Variants in GRIP1 observed in about 807,000 individuals in gnomAD.
The protein encoded by GRIP1 is glutamate receptor-interacting protein 1.
Under a neutral mutation model 129.9 loss-of-function variants are expected in GRIP1, and 45 were observed. The ratio of observed to expected loss-of-function variants is 0.35; its 90% confidence interval spans 0.27 to 0.44. The LOEUF (loss-of-function observed/expected upper bound fraction) is 0.44. Ranked by LOEUF, GRIP1 falls within the 20% of genes least tolerant of loss-of-function variation. The pLI is 1.00. For missense variants in GRIP1, 1,196 were observed against 1,396.8 expected, an observed-to-expected ratio of 0.86 and a Z score of 2.29; for synonymous variants, 530 against 520.8, an observed-to-expected ratio of 1.02 and a Z score of -0.24.
At chr12:66,378,544 C>T (rs926766085) in intron 20 of GRIP1, among the ~76,000 whole-genome samples, 1 of 151,924 alleles carries the variant, frequency 6.6e-6, no homozygotes, top group African/African-American at 2.4e-5. Context: ...GTCAGGAGTT[C>T]GAGACCGGCC....
intron 24 of GRIP1, among the ~76,000 whole-genome samples, chr12:66,352,464 G>A (rs947029388): frequency 6.6e-6 from 1 of 152,192 alleles, no homozygotes; most frequent in African/African-American, 2.4e-5. Context: ...TGCGCACAGT[G>A]GCTCACACCT....
intron 1 of GRIP1, among the ~76,000 whole-genome samples, chr12:66,928,760 G>GC (rs2041337835): frequency 6.6e-6 from 1 of 152,186 alleles, no homozygotes; most frequent in South Asian, 2.1e-4. Context: ...TCTTAAAAAT[G>GC]CAAGAGGAAT....
chr12:66,465,058 C>T lies in GRIP1; in HGVS notation c.872+217G>A, dbSNP rs61925940. On this transcript the variant is annotated intron_variant, in intron 8 of 24. Transcript: ENST00000359742. Reference sequence around the variant, plus strand: ...CTCGCGAGTTTAAGTGATTCTCATGCCTCAGCCTCCCGAGTAGCTGGGATT... The same window carrying T: ...CTCGCGAGTTTAAGTGATTCTCATGTCTCAGCCTCCCGAGTAGCTGGGATT... Among the ~76,000 whole-genome samples the T allele has an allele frequency of 3.2e-3, 491 of 151,494 alleles. 4 individuals are homozygous for T. The highest frequency in any genetic ancestry group is 5.2e-3 in the Non-Finnish European group (351 of 67,938).
chr12:67,009,340 T>C (rs1204138763), intron 1 of GRIP1, among the ~76,000 whole-genome samples: 1 of 152,176 alleles, frequency 6.6e-6, no homozygotes, highest in African/African-American at 2.4e-5. Flanking sequence ...TGGAGGAAGA[T>C]GCTTATCTTT....
At chr12:66,800,951 T>C (rs192941402) in intron 1 of GRIP1, among the ~76,000 whole-genome samples, 5 of 152,238 alleles carry the variant, frequency 3.3e-5, no homozygotes, top group Non-Finnish European at 7.4e-5. Context: ...TAATATTCAG[T>C]GATAGATTAT....
intron 1 of GRIP1, among the ~76,000 whole-genome samples, chr12:66,855,877 C>A (rs2039993852): frequency 6.6e-6 from 1 of 152,016 alleles, no homozygotes; most frequent in Non-Finnish European, 1.5e-5. Flanking sequence ...TTATTCTCTT[C>A]ATGCAGACTT....
intron 1 of GRIP1, among the ~76,000 whole-genome samples, chr12:67,008,504 T>C (rs1326401414): frequency 6.6e-6 from 1 of 152,142 alleles, no homozygotes. Flanking sequence ...AAAAGACACA[T>C]AAAATTAGAG....
At chr12:66,737,169 A>T (rs1209924296) in intron 1 of GRIP1, among the ~76,000 whole-genome samples, 1 of 152,172 alleles carries the variant, frequency 6.6e-6, no homozygotes, top group Non-Finnish European at 1.5e-5. Flanking sequence ...GTTGCATAAG[A>T]TGCTTGTTTG....
chr12:66,678,235 C>T (rs780375330), intron 1 of GRIP1, among the ~76,000 whole-genome samples: 1 of 152,084 alleles, frequency 6.6e-6, no homozygotes, highest in Non-Finnish European at 1.5e-5. Flanking sequence ...CAATCTGAAG[C>T]TGGTAATTCT....
At chr12:66,484,757 G>T (rs1365186355) in intron 7 of GRIP1, among the ~76,000 whole-genome samples, 2 of 152,138 alleles carry the variant, frequency 1.3e-5, no homozygotes, top group African/African-American at 4.8e-5. Context: ...TCTAGTGTTT[G>T]ATAGCACAAT....
At position 66,638,595 on chromosome 12, in the gene GRIP1, A is replaced by G. The variant is rs150929679; in HGVS notation, c.55+40255T>C. Among the ~76,000 whole-genome samples the G allele has an allele frequency of 3.2e-3, 482 of 152,312 alleles. 3 individuals carry two copies. The highest frequency in any genetic ancestry group is 0.011 in the African/African-American group (461 of 41,582). On this transcript the variant is annotated intron_variant, in intron 1 of 24. Transcript: ENST00000359742. ...GCTCCTTGATTCTTTCCCTAGTTTAAGCACTTCTCTTACCTTTTTGGCTAT... is the reference window on the plus strand; with the variant it reads ...GCTCCTTGATTCTTTCCCTAGTTTAGGCACTTCTCTTACCTTTTTGGCTAT...
chr12:66,436,507 T>G (rs1298828552), intron 13 of GRIP1, among the ~76,000 whole-genome samples: 1 of 152,240 alleles, frequency 6.6e-6, no homozygotes, highest in African/African-American at 2.4e-5. Flanking sequence ...AGGCAAAATA[T>G]AAATTGTGCA....
At chr12:66,719,949 A>G (rs1489228833) in intron 1 of GRIP1, among the ~76,000 whole-genome samples, 1 of 152,206 alleles carries the variant, frequency 6.6e-6, no homozygotes, top group Non-Finnish European at 1.5e-5. Flanking sequence ...AGTTTGGAGC[A>G]GGTATTAATC....
intron 2 of GRIP1, among the ~76,000 whole-genome samples, chr12:66,554,660 C>T (rs1049273502): frequency 1.2e-4 from 18 of 152,118 alleles, no homozygotes; most frequent in African/African-American, 4.1e-4. Flanking sequence ...GAGGGGGGCC[C>T]ACTGCCCTGA....
chr12:66,428,386 G>T (rs1323304594), intron 14 of GRIP1, among the ~76,000 whole-genome samples: 2 of 152,124 alleles, frequency 1.3e-5, no homozygotes, highest in African/African-American at 2.4e-5. Context: ...CAGATTTGTT[G>T]TGCTTGTCAT....
intron 1 of GRIP1, among the ~76,000 whole-genome samples, chr12:66,798,997 G>A (rs985529256): frequency 1.8e-4 from 28 of 152,240 alleles, no homozygotes; most frequent in Non-Finnish European, 3.8e-4. Flanking sequence ...CAAAAGTGGG[G>A]ATGAGAGGTG....
chr12:66,612,110 A>G (rs4913276), intron 1 of GRIP1, among the ~76,000 whole-genome samples: 77,885 of 152,036 alleles, frequency 0.51, 20,551 homozygotes, highest in Non-Finnish European at 0.59. Context: ...AATGCATATA[A>G]TGACCTTGGT....
chr12:66,739,761 A>G (rs1262606431), intron 1 of GRIP1, among the ~76,000 whole-genome samples: 1 of 151,724 alleles, frequency 6.6e-6, no homozygotes, highest in East Asian at 1.9e-4. Flanking sequence ...AAAAAAAAAA[A>G]CCAGTCCTCC....
chr12:66,445,297 G>A (rs1465771605), intron 12 of GRIP1, 25 bp downstream of exon 12: 7 of 1,595,344 alleles, frequency 4.4e-6, no homozygotes, highest in Non-Finnish European at 6.0e-6. Flanking sequence ...AGCAGAAAAT[G>A]ATGCTGTGAA....
Sources: gnomAD v4.1 joint callset for allele counts (sites outside exome capture counted in the v4.1 genomes callset) on GRCh38, gnomAD v4.1.1 for gene constraint, MANE v1.5 for transcripts, NCBI Gene and HGNC (gene_info 2026-07-23, HGNC 2026-07-21) for gene names.